Variants in FOXN3 observed in about 807,000 individuals in gnomAD.
The protein encoded by FOXN3 is forkhead box protein N3.
FOXN3 carries 7 observed loss-of-function variants against 38.4 expected under a neutral mutation model. The observed-to-expected ratio is 0.18, with a 90% CI of 0.10 to 0.34. The LOEUF is 0.34. Ranked by LOEUF, FOXN3 falls within the 10% of genes least tolerant of loss-of-function variation. The pLI, the probability that FOXN3 is intolerant of heterozygous loss-of-function variation, is 1.00. For missense variants in FOXN3, 456 were observed against 613.4 expected (o/e 0.74, Z 2.71); for synonymous variants, 230 against 242.2 (o/e 0.95, Z 0.47).
chr14:89,543,981 C>G (rs528446456), intron 1 of FOXN3, among the ~76,000 whole-genome samples: 1 of 152,202 alleles, frequency 6.6e-6, no homozygotes, highest in South Asian at 2.1e-4. Flanking sequence ...GTAATGGATT[C>G]TGGTGTCAAA....
intron 1 of FOXN3, among the ~76,000 whole-genome samples, chr14:89,462,905 C>G (rs1314066550): frequency 6.7e-6 from 1 of 149,128 alleles, no homozygotes; most frequent in Non-Finnish European, 1.5e-5. Flanking sequence ...AGGATGGTCT[C>G]GATCTCCTGA....
At chr14:89,324,435 AGTGTGTGCGTGTGTGTGTGTGT>A (rs1887982746) in intron 3 of FOXN3, among the ~76,000 whole-genome samples, 1 of 123,478 alleles carries the variant, frequency 8.1e-6, no homozygotes, top group African/African-American at 3.3e-5. Context: ...GAAACAGCTA[AGTGTGTGCGTGTGTGTGTGTGT>A]GTGTGTGTGT....
chr14:89,499,862 G>T (rs776304496), intron 1 of FOXN3, among the ~76,000 whole-genome samples: 5 of 152,068 alleles, frequency 3.3e-5, no homozygotes, highest in Non-Finnish European at 5.9e-5. Flanking sequence ...CTCCACGGAA[G>T]GGGAGTCATT....
At chr14:89,591,383 G>A (rs1265743777) in intron 1 of FOXN3, among the ~76,000 whole-genome samples, 1 of 152,170 alleles carries the variant, frequency 6.6e-6, no homozygotes, top group South Asian at 2.1e-4. Context: ...CTACACAGGA[G>A]ATTAGGAGAT....
rs185099813 is a variant in FOXN3 at position 89,448,048 on chromosome 14, G to A, written c.-14-35558C>T. On this transcript the variant is annotated intron_variant, in intron 1 of 6. Transcript: ENST00000345097. ...AGGCTGGTCTCGAACTCCTGACCTC[G>A]TGATCCGCCCGCCTCGGCCTCCCAA... Among the ~76,000 whole-genome samples the A allele has an allele frequency of 4.3e-3, 655 of 151,794 alleles. 3 individuals carry two copies. The highest frequency in any genetic ancestry group is 0.015 in the African/African-American group (618 of 41,414).
chr14:89,596,719 A>G (rs919074150), intron 1 of FOXN3, among the ~76,000 whole-genome samples: 1 of 152,208 alleles, frequency 6.6e-6, no homozygotes, highest in Non-Finnish European at 1.5e-5. Context: ...AGAGCAACTC[A>G]GCCTGTTATT....
intron 1 of FOXN3, among the ~76,000 whole-genome samples, chr14:89,458,395 G>A (rs547352176): frequency 6.6e-6 from 1 of 152,256 alleles, no homozygotes; most frequent in African/African-American, 2.4e-5. Context: ...TGTGTGTCCT[G>A]GACTCTCTGT....
intron 5 of FOXN3, among the ~76,000 whole-genome samples, chr14:89,172,167 G>GA (rs1461264647): frequency 1.8e-4 from 27 of 152,068 alleles, no homozygotes; most frequent in African/African-American, 6.3e-4. Context: ...GAACTTTAGG[G>GA]AAAAAAATCA....
At chr14:89,612,958 A>C (rs1361606079) in intron 1 of FOXN3, among the ~76,000 whole-genome samples, 1 of 151,886 alleles carries the variant, frequency 6.6e-6, no homozygotes, top group East Asian at 1.9e-4. Flanking sequence ...TCTCTACTAA[A>C]AATACAAAAT....
intron 1 of FOXN3, among the ~76,000 whole-genome samples, chr14:89,488,088 CT>C (rs35977508): frequency 0.1 from 13,893 of 137,464 alleles, 738 homozygotes; most frequent in African/African-American, 0.16. Context: ...AGGGGCTCTT[CT>C]TTTTTTTTTT....
intron 1 of FOXN3, among the ~76,000 whole-genome samples, chr14:89,416,395 C>A (rs1891725075): frequency 6.6e-6 from 1 of 152,206 alleles, no homozygotes; most frequent in South Asian, 2.1e-4. Flanking sequence ...CCCAACTTAT[C>A]CAGGGCCCAA....
intron 3 of FOXN3, among the ~76,000 whole-genome samples, chr14:89,299,412 C>A (rs2139944535): frequency 6.6e-6 from 1 of 152,358 alleles, no homozygotes; most frequent in South Asian, 2.1e-4. Context: ...CTTTCCTTTA[C>A]AAATTATCCA....
At chr14:89,223,404 T>G (rs1343383189) in intron 4 of FOXN3, 3 of 152,390 alleles carry the variant, frequency 2.0e-5, no homozygotes. Flanking sequence ...CAGGTTCTCC[T>G]GGGAGATCGC....
chr14:89,432,018 T>G (rs1395547359), intron 1 of FOXN3, among the ~76,000 whole-genome samples: 1 of 152,208 alleles, frequency 6.6e-6, no homozygotes, highest in East Asian at 1.9e-4. Context: ...CCCGGCTGTG[T>G]TGTTGCTTTT....
chr14:89,336,137 T>TACACACAC (rs34950734), intron 3 of FOXN3, among the ~76,000 whole-genome samples: 2,022 of 140,096 alleles, frequency 0.014, 45 homozygotes, highest in African/African-American at 0.044. Context: ...AAGTGATCCT[T>TACACACAC]ACACACACAC....
intron 3 of FOXN3, among the ~76,000 whole-genome samples, chr14:89,310,798 T>C (rs1887516165): frequency 6.6e-6 from 1 of 152,124 alleles, no homozygotes; most frequent in South Asian, 2.1e-4. Context: ...TAGCATCTAG[T>C]TGACATGAAA....
At position 89,362,806 on chromosome 14, in the gene FOXN3, T is replaced by TCCA. The variant is rs1249413276; in HGVS notation, c.544-12001_544-11999dup. ...CACCACCACCATCTCCACCACCACC[T>TCCA]CCACCACCACCACCACCAGGCCAGA... On this transcript the variant is annotated intron_variant, in intron 2 of 5. Transcript: ENST00000557258. 6.7e-5 allele frequency among the ~76,000 whole-genome samples: 4 copies of TCCA among 59,290 alleles called. 1 individual carries two copies. The highest frequency in any genetic ancestry group is 3.7e-4 in the Admixed American group (2 of 5,366). 38.9% of individuals were successfully genotyped at this position (59,290 alleles called of 152,430 possible).
intron 4 of FOXN3, chr14:89,190,252 T>A: frequency 1.5e-6 from 1 of 647,474 alleles, no homozygotes; most frequent in Non-Finnish European, 2.7e-6. Flanking sequence ...AATCATGCAC[T>A]TATGTAGCTT....
chr14:89,274,793 T>C (rs1055648099), intron 4 of FOXN3, among the ~76,000 whole-genome samples: 9 of 152,330 alleles, frequency 5.9e-5, no homozygotes, highest in Middle Eastern at 3.4e-3. Flanking sequence ...GTGTCTGAGA[T>C]AAAGATATGT....
Sources: allele counts gnomAD v4.1 joint callset (sites outside exome capture counted in the v4.1 genomes callset), GRCh38; gene constraint gnomAD v4.1.1; transcripts MANE v1.5; gene names NCBI Gene and HGNC (gene_info 2026-07-23, HGNC 2026-07-21).